Variants in PRKG1 observed in about 807,000 individuals in gnomAD.
PRKG1 encodes the protein protein kinase cGMP-dependent 1.
PRKG1 carries 35 observed loss-of-function variants against 88.1 expected under a neutral mutation model. The observed-to-expected ratio is 0.40, with a 90% CI of 0.30 to 0.53. The LOEUF (loss-of-function observed/expected upper bound fraction) is 0.53. Ranked by LOEUF, PRKG1 falls within the 20% of genes least tolerant of loss-of-function variation. The pLI, the probability that PRKG1 is intolerant of heterozygous loss-of-function variation, is 0.59. For synonymous variants in PRKG1, 303 were observed against 292.5 expected (o/e 1.04, Z -0.37); for missense variants, 540 against 839.8 (o/e 0.64, Z 4.41).
chr10:51,452,886 G>A (rs1039689369), intron 2 of PRKG1, among the ~76,000 whole-genome samples: 1 of 151,966 alleles, frequency 6.6e-6, no homozygotes, highest in South Asian at 2.1e-4. Flanking sequence ...ATCTTTGAAT[G>A]TCTGATAGAA....
chr10:52,297,019 C>T lies in PRKG1; in HGVS notation c.*3119C>T, dbSNP rs1842398702. 6.6e-6 allele frequency: 1 copy of T among 151,960 alleles called. No individual in the cohort carries two copies. The highest frequency in any genetic ancestry group is 6.6e-5 in the Admixed American group (1 of 15,224). 9.4% of individuals were successfully genotyped at this position (151,960 alleles called of 1,614,324 possible). The stretch of plus-strand genomic sequence containing the variant: ...TGATGGTAAACAAATTTAATGAAGT[C>T]AGCTACCATGTTGAAAATAAGGATA... On this transcript the variant is annotated 3_prime_UTR_variant, in exon 18 of 18. Coordinates refer to ENST00000373980, the MANE Select transcript of PRKG1 (RefSeq NM_006258.4).
intron 4 of PRKG1, among the ~76,000 whole-genome samples, chr10:51,871,143 A>G (rs1225802789): frequency 2.0e-5 from 3 of 152,118 alleles, no homozygotes; most frequent in Admixed American, 6.5e-5. Context: ...GGGTCATTTA[A>G]TTGATTTTGC....
chr10:51,541,645 T>G (rs866624429), intron 3 of PRKG1, among the ~76,000 whole-genome samples: 1 of 152,214 alleles, frequency 6.6e-6, no homozygotes, highest in Non-Finnish European at 1.5e-5. Flanking sequence ...TTGCATTATA[T>G]TGCTCAATAT....
intron 3 of PRKG1, among the ~76,000 whole-genome samples, chr10:51,532,368 G>T (rs1159090157): frequency 6.6e-6 from 1 of 152,112 alleles, no homozygotes. Flanking sequence ...CAATTTTCCG[G>T]TCTGTTTCAG....
intron 3 of PRKG1, among the ~76,000 whole-genome samples, chr10:51,635,327 C>A (rs557847870): frequency 6.8e-6 from 1 of 146,932 alleles, no homozygotes; most frequent in Admixed American, 6.8e-5. Flanking sequence ...GAAGTTGCCA[C>A]AGTATGAAAG....
At chr10:51,745,821 C>T (rs1837561918) in intron 3 of PRKG1, among the ~76,000 whole-genome samples, 1 of 152,078 alleles carries the variant, frequency 6.6e-6, no homozygotes. Context: ...CCAGCCTGGC[C>T]AACAGGGTGA....
intron 4 of PRKG1, among the ~76,000 whole-genome samples, chr10:51,898,395 T>C (rs1205595372): frequency 6.6e-6 from 1 of 152,138 alleles, no homozygotes; most frequent in Non-Finnish European, 1.5e-5. Flanking sequence ...TTATTTTCTA[T>C]TTCCTTGATG....
intron 5 of PRKG1, among the ~76,000 whole-genome samples, chr10:51,965,019 T>C (rs1843532996): frequency 6.6e-6 from 1 of 152,220 alleles, no homozygotes; most frequent in Admixed American, 6.5e-5. Flanking sequence ...AATATAGGCA[T>C]TGAAATTTGT....
intron 3 of PRKG1, chr10:51,699,410 A>G: frequency 6.2e-7 from 1 of 1,614,034 alleles, no homozygotes; most frequent in Non-Finnish European, 8.5e-7. Flanking sequence ...ATCGTATACC[A>G]GCCGGAAACT....
At chr10:51,830,250 C>T (rs1564665048) in intron 4 of PRKG1, among the ~76,000 whole-genome samples, 3 of 152,116 alleles carry the variant, frequency 2.0e-5, no homozygotes, top group Admixed American at 2.0e-4. Flanking sequence ...CAATATTTAA[C>T]ACTATTTTCA....
chr10:51,994,339 C>T (rs1844383794), intron 5 of PRKG1, among the ~76,000 whole-genome samples: 2 of 152,124 alleles, frequency 1.3e-5, no homozygotes, highest in Non-Finnish European at 2.9e-5. Context: ...CTCCTCGTGG[C>T]CCTATATTGC....
At chr10:51,035,357 A>G (rs1843339959) in intron 1 of PRKG1, among the ~76,000 whole-genome samples, 1 of 152,206 alleles carries the variant, frequency 6.6e-6, no homozygotes, top group South Asian at 2.1e-4. Flanking sequence ...AGAGCAGGAG[A>G]CAGCAGCATA....
chr10:51,253,276 A>G (rs1219335562), intron 2 of PRKG1, among the ~76,000 whole-genome samples: 2 of 151,950 alleles, frequency 1.3e-5, no homozygotes, highest in Non-Finnish European at 2.9e-5. Flanking sequence ...GAAAGGAAGA[A>G]CTACTTCACC....
chr10:52,264,582 C>G (rs141570085), intron 10 of PRKG1, among the ~76,000 whole-genome samples: 1 of 152,016 alleles, frequency 6.6e-6, no homozygotes, highest in Admixed American at 6.6e-5. Flanking sequence ...AGAGCCAAAA[C>G]TAAAAAATGG....
chr10:50,995,195 A>G (rs1290167993), intron 1 of PRKG1, among the ~76,000 whole-genome samples: 1 of 152,326 alleles, frequency 6.6e-6, no homozygotes, highest in East Asian at 1.9e-4. Context: ...TATCTTAAGC[A>G]TGTATCGTAG....
At chr10:51,612,982 C>T (rs760163046) in intron 3 of PRKG1, among the ~76,000 whole-genome samples, 28 of 151,890 alleles carry the variant, frequency 1.8e-4, no homozygotes, top group Admixed American at 5.2e-4. Flanking sequence ...TTGATCATGA[C>T]GTATTATCTT....
rs187061997 is a variant in PRKG1 at position 51,691,898 on chromosome 10, G to A, written c.593-112687G>A. Reference sequence around the variant, plus strand: ...GTCCAAAGATATTTAAAACTTTTAGGGAACAAAACTTGAATAACATTGACA... The same window carrying A: ...GTCCAAAGATATTTAAAACTTTTAGAGAACAAAACTTGAATAACATTGACA... On this transcript the variant is annotated intron_variant, in intron 3 of 17. Coordinates refer to ENST00000373980, the MANE Select transcript of PRKG1 (RefSeq NM_006258.4). 1.5e-3 allele frequency among the ~76,000 whole-genome samples: 221 copies of A among 152,134 alleles called. 7 individuals are homozygous for A. The highest frequency in any genetic ancestry group is 6.8e-3 in the Middle Eastern group (2 of 294).
intron 3 of PRKG1, among the ~76,000 whole-genome samples, chr10:51,475,006 A>T (rs1840152364): frequency 6.6e-6 from 1 of 151,980 alleles, no homozygotes; most frequent in South Asian, 2.1e-4. Context: ...AATCTAGTAG[A>T]TGAAAGAGGT....
intron 12 of PRKG1, among the ~76,000 whole-genome samples, chr10:52,277,893 A>G (rs1841911385): frequency 6.6e-6 from 1 of 152,206 alleles, no homozygotes; most frequent in Admixed American, 6.6e-5. Context: ...AAGGAAGCAG[A>G]GGTATGTTGC....
Sources: gnomAD v4.1 joint callset for allele counts (sites outside exome capture counted in the v4.1 genomes callset) on GRCh38, gnomAD v4.1.1 for gene constraint, MANE v1.5 for transcripts, NCBI Gene and HGNC (gene_info 2026-07-23, HGNC 2026-07-21) for gene names.